DLG2: variants seen among roughly 807,000 people sequenced by gnomAD.
The protein encoded by DLG2 is disks large homolog 2.
DLG2 carries 45 observed loss-of-function variants against 132.5 expected under a neutral mutation model. That is an observed-to-expected ratio of 0.34 (90% CI 0.27 to 0.44). DLG2 has a LOEUF of 0.44. DLG2 is among the 20% of genes least tolerant of loss of function. The pLI, the probability that DLG2 is intolerant of heterozygous loss-of-function variation, is 1.00. For synonymous variants in DLG2, 424 were observed against 419.6 expected, an observed-to-expected ratio of 1.01 and a Z score of -0.13; for missense variants, 1,045 against 1,196.9, an observed-to-expected ratio of 0.87 and a Z score of 1.87.
chr11:84,584,674 CTTTTTTTTTTTTTTTTTTTTTTTT>C (rs71036428), intron 6 of DLG2, among the ~76,000 whole-genome samples: 2 of 55,776 alleles, frequency 3.6e-5, no homozygotes. Context: ...CCCAGCATTC[CTTTTTTTTTTTTTTTTTTTTTTTT>C]TTTTTTTTGA....
At chr11:83,636,032 T>A (rs1423397506) in intron 18 of DLG2, among the ~76,000 whole-genome samples, 1 of 152,174 alleles carries the variant, frequency 6.6e-6, no homozygotes, top group African/African-American at 2.4e-5. Context: ...AAATACTACA[T>A]GTCATCTCTA....
intron 6 of DLG2, among the ~76,000 whole-genome samples, chr11:84,847,465 T>G (rs756219379): frequency 6.6e-6 from 1 of 152,184 alleles, no homozygotes; most frequent in Non-Finnish European, 1.5e-5. Context: ...TTTTTAGTGA[T>G]GTACAATAAA....
intron 21 of DLG2, among the ~76,000 whole-genome samples, chr11:83,525,235 T>A (rs1336040356): frequency 6.6e-6 from 1 of 152,174 alleles, no homozygotes; most frequent in Non-Finnish European, 1.5e-5. Flanking sequence ...GAGACTTGAC[T>A]GGGGTTTCCT....
intron 11 of DLG2, among the ~76,000 whole-genome samples, chr11:83,995,686 C>G (rs1384977635): frequency 6.6e-6 from 1 of 152,146 alleles, no homozygotes; most frequent in African/African-American, 2.4e-5. Flanking sequence ...CTAGAATCAA[C>G]TCATTTTTGA....
chr11:84,078,087 T>A (rs888556853), intron 10 of DLG2, among the ~76,000 whole-genome samples: 1 of 152,162 alleles, frequency 6.6e-6, no homozygotes, highest in African/African-American at 2.4e-5. Flanking sequence ...ACAATAAAGA[T>A]GAAATTGTAT....
At chr11:83,920,092 T>C (rs1324987410) in intron 15 of DLG2, among the ~76,000 whole-genome samples, 1 of 152,188 alleles carries the variant, frequency 6.6e-6, no homozygotes, top group African/African-American at 2.4e-5. Context: ...GGAGCCTTCG[T>C]AAAATTTGGA....
At chr11:84,732,814 C>T (rs908271995) in intron 6 of DLG2, among the ~76,000 whole-genome samples, 9 of 150,684 alleles carry the variant, frequency 6.0e-5, no homozygotes, top group Non-Finnish European at 1.0e-4. Context: ...CAACAGGCCC[C>T]GGTGTGTGAT....
chr11:85,013,867 T>C (rs1279024269), intron 6 of DLG2, among the ~76,000 whole-genome samples: 1 of 152,198 alleles, frequency 6.6e-6, no homozygotes. Flanking sequence ...GTTATTTTTT[T>C]AAGGTGCATG....
Position 84,806,737 on chromosome 11 carries a change from C to A in DLG2, c.358-272006G>T, listed in dbSNP as rs924855427. Among the ~76,000 whole-genome samples, 17 of 152,144 alleles carry A rather than the reference C, an allele frequency of 1.1e-4. 1 individual carries two copies. The highest frequency in any genetic ancestry group is 6.9e-3 in the Middle Eastern group (2 of 290). ...AAGGAAAGAAGAATGCTTCGAACAT[C>A]AAAAAATAATGATAAGAAAAAGCCA... On this transcript the variant is annotated intron_variant, in intron 6 of 27. Coordinates refer to ENST00000376104, the MANE Select transcript of DLG2 (RefSeq NM_001142699.3).
At position 83,459,000 on chromosome 11, in the gene DLG2, T is replaced by G. The variant is rs778630453; in HGVS notation, c.*818A>C. 3 of 152,348 alleles carry G rather than the reference T, an allele frequency of 2.0e-5. No individual in the cohort carries two copies. Among genetic ancestry groups the G allele is most frequent in the Non-Finnish European group, 4.4e-5 (3 of 68,052 alleles). 9.4% of individuals were successfully genotyped at this position (152,348 alleles called of 1,614,324 possible). A position where few individuals can be genotyped will look rare whatever the true frequency, so the allele number is the denominator to read the frequency against. ...CTTTCAGGTCTTGAATTTGATCATC[T>G]GCTGATGTTGCATACATTTAGTCTT... On this transcript the variant is annotated 3_prime_UTR_variant, in exon 28 of 28. Transcript: ENST00000376104.
At chr11:84,119,450 T>C (rs182366425) in intron 9 of DLG2, among the ~76,000 whole-genome samples, 5 of 151,106 alleles carry the variant, frequency 3.3e-5, no homozygotes, top group African/African-American at 9.7e-5. Flanking sequence ...TTCATATATG[T>C]TATATATATA....
intron 3 of DLG2, among the ~76,000 whole-genome samples, chr11:85,289,238 C>T (rs1457235207): frequency 6.6e-6 from 1 of 151,794 alleles, no homozygotes; most frequent in Non-Finnish European, 1.5e-5. Context: ...GACATATATC[C>T]CCTTGTCACT....
At chr11:84,743,751 C>CA (rs1156314542) in intron 6 of DLG2, among the ~76,000 whole-genome samples, 1 of 148,354 alleles carries the variant, frequency 6.7e-6, no homozygotes, top group Non-Finnish European at 1.5e-5. Flanking sequence ...ATTTTCTTTT[C>CA]TTTTTTTTTT....
chr11:85,049,022 A>G (rs1173273790), intron 6 of DLG2, among the ~76,000 whole-genome samples: 2 of 152,020 alleles, frequency 1.3e-5, no homozygotes, highest in African/African-American at 4.8e-5. Context: ...ATGAATACAT[A>G]TGGTTGCTTT....
intron 4 of DLG2, among the ~76,000 whole-genome samples, chr11:85,281,804 C>A (rs761999056): frequency 6.6e-6 from 1 of 151,898 alleles, no homozygotes; most frequent in Non-Finnish European, 1.5e-5. Flanking sequence ...TATGGAGGTT[C>A]CTCAAAAAAC....
chr11:83,861,624 G>T (rs749808216), intron 16 of DLG2, among the ~76,000 whole-genome samples: 9 of 152,188 alleles, frequency 5.9e-5, no homozygotes, highest in African/African-American at 1.2e-4. Flanking sequence ...GGCACAGAAA[G>T]ATAAACGTCA....
chr11:83,913,767 G>A (rs2154114131), intron 15 of DLG2, among the ~76,000 whole-genome samples: 1 of 152,282 alleles, frequency 6.6e-6, no homozygotes, highest in African/African-American at 2.4e-5. Context: ...GGACCTCAAA[G>A]AAAGGGAGAC....
chr11:83,819,014 C>A lies in DLG2; in HGVS notation c.1722+14600G>T, dbSNP rs148042359. ...CACACAAAGGAGATGCTAAGGAACACTTGCTTGCCTTTATGTTAGAAACAG... is the reference window on the plus strand; with the variant it reads ...CACACAAAGGAGATGCTAAGGAACAATTGCTTGCCTTTATGTTAGAAACAG... On this transcript the variant is annotated intron_variant, in intron 17 of 27. Transcript: ENST00000376104. 1.4e-4 allele frequency among the ~76,000 whole-genome samples: 22 copies of A among 152,210 alleles called. No homozygotes were observed. The East Asian group carries it at 4.2e-3, about 29-fold the overall frequency.
At chr11:84,197,685 T>G (rs1026174201) in intron 8 of DLG2, among the ~76,000 whole-genome samples, 1 of 152,194 alleles carries the variant, frequency 6.6e-6, no homozygotes, top group African/African-American at 2.4e-5. Context: ...ACAATCTAAA[T>G]GTTGACAACA....
Sources: gnomAD v4.1 joint callset for allele counts (sites outside exome capture counted in the v4.1 genomes callset) on GRCh38, gnomAD v4.1.1 for gene constraint, MANE v1.5 for transcripts, NCBI Gene and HGNC (gene_info 2026-07-23, HGNC 2026-07-21) for gene names.